ARHGAP20: variants seen among roughly 807,000 people sequenced by gnomAD.
ARHGAP20 encodes the protein rho GTPase-activating protein 20.
ARHGAP20 carries 34 observed loss-of-function variants against 73.7 expected under a neutral mutation model. The ratio of observed to expected loss-of-function variants is 0.46; its 90% CI spans 0.35 to 0.61. ARHGAP20 has a LOEUF of 0.61. Ranked by LOEUF, ARHGAP20 falls within the 20% of genes least tolerant of loss-of-function variation. The pLI, the probability that ARHGAP20 is intolerant of heterozygous loss-of-function variation, is 0.00. For missense variants in ARHGAP20, 1,314 were observed against 1,420.9 expected, an observed-to-expected ratio of 0.92 and a Z score of 1.21; for synonymous variants, 523 against 518.2, an observed-to-expected ratio of 1.01 and a Z score of -0.13.
Position 110,579,981 on chromosome 11 carries a change from A to G in ARHGAP20, c.2965T>C (p.Ser989Pro), listed in dbSNP as rs752905344. 6.2e-7 allele frequency: 1 copy of G among 1,614,170 alleles called. No individual in the cohort carries two copies. The highest frequency in any genetic ancestry group is 1.1e-5 in the South Asian group (1 of 91,072). Residue 989 changes from serine (S) to proline (P), a missense_variant, in exon 15 of 15, where the codon TCT becomes CCT. Ser to Pro is a moderately conservative substitution (Grantham distance 74). Coordinates refer to ENST00000683387, the MANE Select transcript of ARHGAP20 (RefSeq NM_001384657.1). ...FQAQRKREDLSPDFSNASHVS... is the reference protein window; with the variant it reads ...FQAQRKREDLPPDFSNASHVS... ...TGGCTGGCATTGCTAAAGTCAGGAG[A>G]AAGGTCTTCCCGTTTTCTCTGAGCC... is the stretch of plus-strand genomic sequence containing the variant.
rs759579751 is a variant in ARHGAP20 at position 110,580,089 on chromosome 11, G to C, written c.2857C>G (p.Gln953Glu). 6.2e-6 allele frequency: 10 copies of C among 1,614,054 alleles called. No individual in the cohort carries two copies. The Admixed American group carries it at 1.7e-4, about 27-fold the overall frequency. ...TSPSGSSVSS[Q>E]DSAFSQISEH... ...GAAATCTGAGAAAAAGCACTGTCTT[G>C]GGAGCTTACTGATGAGCCGGATGGG... is the stretch of plus-strand genomic sequence containing the variant. The change falls in exon 15 of 15, where the codon CAA (glutamine) becomes GAA (glutamate). Residue 953 changes from glutamine (Q) to glutamate (E), a missense_variant. By Grantham distance (29) the Gln-to-Glu change is conservative. This residue lies in a region of ARHGAP20 where 641 missense variants were observed against 636.9 expected (regional missense o/e 1.01). Transcript: ENST00000683387.
chr11:110,630,920 C>T, intron 2 of ARHGAP20, 128 bp from the exon 3 acceptor site: 1 of 843,302 alleles, frequency 1.2e-6, no homozygotes, highest in Non-Finnish European at 1.8e-6. Context: ...CTATTCACCA[C>T]ACAGTAGTCT....
intron 1 of ARHGAP20, among the ~76,000 whole-genome samples, chr11:110,692,882 G>A (rs1187235542): frequency 1.3e-5 from 2 of 151,956 alleles, no homozygotes; most frequent in Non-Finnish European, 2.9e-5. Context: ...GTGGTTTGTT[G>A]AGAAATCTAT....
intron 1 of ARHGAP20, among the ~76,000 whole-genome samples, chr11:110,701,429 G>A (rs1399870034): frequency 1.3e-5 from 2 of 151,954 alleles, no homozygotes; most frequent in African/African-American, 4.8e-5. Flanking sequence ...TTTCTGATGG[G>A]GTTGTTTTTT....
At chr11:110,674,919 T>C (rs1350604653) in intron 2 of ARHGAP20, among the ~76,000 whole-genome samples, 1 of 152,172 alleles carries the variant, frequency 6.6e-6, no homozygotes, top group Non-Finnish European at 1.5e-5. Context: ...ACATATATCA[T>C]CTCATCTTAT....
Position 110,579,816 on chromosome 11 carries a change from T to C in ARHGAP20, c.3130A>G (p.Ser1044Gly). The C allele has an allele frequency of 6.2e-7, 1 of 1,614,178 alleles. No homozygotes were observed. The highest frequency in any genetic ancestry group is 8.5e-7 in the Non-Finnish European group (1 of 1,180,028). The change falls in exon 15 of 15, where the codon AGT becomes GGT. Residue 1044 changes from serine to glycine, a missense_variant. Ser to Gly is a moderately conservative substitution (Grantham distance 56). Coordinates refer to ENST00000683387, the MANE Select transcript of ARHGAP20 (RefSeq NM_001384657.1). ...PSTWLRNGVA[S>G]LKNWSLKKKA... is the part of the protein sequence containing the mutation. ...TTTTTGAGGGACCAGTTTTTCAAAC[T>C]GGCCACACCATTTCTCAACCATGTG...
chr11:110,601,763 C>T (rs192520225), intron 9 of ARHGAP20, among the ~76,000 whole-genome samples: 68 of 152,182 alleles, frequency 4.5e-4, no homozygotes, highest in African/African-American at 1.6e-3. Context: ...GCGGGTGGAT[C>T]GCCTGAGGTC....
At chr11:110,622,415 C>T (rs183503855) in intron 4 of ARHGAP20, among the ~76,000 whole-genome samples, 1 of 152,306 alleles carries the variant, frequency 6.6e-6, no homozygotes, top group Admixed American at 6.5e-5. Context: ...ACATAGTTCT[C>T]ATGCTGTTTA....
chr11:110,606,442 C>T, intron 9 of ARHGAP20, 119 bp downstream of exon 9: 1 of 1,129,780 alleles, frequency 8.9e-7, no homozygotes, highest in African/African-American at 1.6e-5. Flanking sequence ...TCCATCTTTC[C>T]TTTTCAAAAT....
At chr11:110,643,454 G>T (rs961477286) in intron 2 of ARHGAP20, among the ~76,000 whole-genome samples, 1 of 152,030 alleles carries the variant, frequency 6.6e-6, no homozygotes, top group Non-Finnish European at 1.5e-5. Flanking sequence ...AAAGACTCTG[G>T]TATGCTGTGC....
At chr11:110,684,251 G>A (rs1348955992) in intron 2 of ARHGAP20, among the ~76,000 whole-genome samples, 2 of 152,066 alleles carry the variant, frequency 1.3e-5, no homozygotes, top group South Asian at 2.1e-4. Context: ...AGAATTCAGA[G>A]TATATATACA....
At chr11:110,631,040 C>T (rs1488131559) in intron 2 of ARHGAP20, among the ~76,000 whole-genome samples, 1 of 152,144 alleles carries the variant, frequency 6.6e-6, no homozygotes, top group Non-Finnish European at 1.5e-5. Flanking sequence ...TTTTACTATA[C>T]TTGCTTTACC....
rs1181347971 is a variant in ARHGAP20 at position 110,578,376 on chromosome 11, TTATAAG to T, written c.*988_*993del. 9 of 985,266 alleles carry T rather than the reference TTATAAG, an allele frequency of 9.1e-6. No homozygotes were observed. The African/African-American group carries it at 1.2e-4, about 13-fold the overall frequency. The allele number at this position is 985,266 out of a possible 1,614,324, so 61.0% of individuals were successfully genotyped here. On this transcript the variant is annotated 3_prime_UTR_variant, in exon 15 of 15. Transcript: ENST00000683387. The stretch of plus-strand genomic sequence containing the variant: ...CTACAAAAATCAGAAAAGGGATGAT[TTATAAG>T]TATGTTTTTCTGGCTGACTGTAATC...
chr11:110,676,807 C>A, intron 2 of ARHGAP20, among the ~76,000 whole-genome samples: 1 of 149,842 alleles, frequency 6.7e-6, no homozygotes, highest in Non-Finnish European at 1.5e-5. Context: ...ACTTAAATCT[C>A]CTCAAATAAG....
At chr11:110,592,214 T>A (rs1430535889) in intron 9 of ARHGAP20, 59 bp from the exon 10 acceptor site, 9 of 1,482,394 alleles carry the variant, frequency 6.1e-6, no homozygotes, top group Non-Finnish European at 9.2e-7. Context: ...CTTATTTCTA[T>A]AACTTCCATT....
chr11:110,603,516 C>T (rs561836350), intron 9 of ARHGAP20, among the ~76,000 whole-genome samples: 33 of 152,154 alleles, frequency 2.2e-4, no homozygotes, highest in African/African-American at 5.1e-4. Context: ...CTTCTTGTGC[C>T]GTTAAAAGTT....
At position 110,659,056 on chromosome 11, in the gene ARHGAP20, G is replaced by A. The variant is rs201575001; in HGVS notation, c.189-28264C>T. Among the ~76,000 whole-genome samples the A allele has an allele frequency of 5.5e-4, 83 of 151,188 alleles. 2 individuals are homozygous for A. In the East Asian group the frequency reaches 0.014, roughly 26 times the overall value. On this transcript the variant is annotated intron_variant, in intron 2 of 14. Coordinates refer to ENST00000683387, the MANE Select transcript of ARHGAP20 (RefSeq NM_001384657.1). ...TGTCTTTATAGCAGCATGATTTATA[G>A]TCCTTTGGGTATATACCCAGTAATG...
chr11:110,620,801 G>A (rs1352841465), intron 4 of ARHGAP20, among the ~76,000 whole-genome samples: 2 of 152,124 alleles, frequency 1.3e-5, no homozygotes, highest in African/African-American at 4.8e-5. Context: ...GCTGGGCGCG[G>A]TGGCTCATGT....
Position 110,577,337 on chromosome 11 carries a change from T to C in ARHGAP20, c.*2033A>G, listed in dbSNP as rs938319003. 2.4e-6 allele frequency: 3 copies of C among 1,247,138 alleles called. No individual in the cohort carries two copies. Among genetic ancestry groups the C allele is most frequent in the African/African-American group, 1.5e-5 (1 of 64,664 alleles). The allele number at this position is 1,247,138 out of a possible 1,614,324, so 77.3% of individuals were successfully genotyped here. A position where few individuals can be genotyped will look rare whatever the true frequency, so the allele number is the denominator to read the frequency against. ...ACAATATAATACTTTACAGCAATATTAACAAACTATTCACATTAAGAATTA... is the reference window on the plus strand; with the variant it reads ...ACAATATAATACTTTACAGCAATATCAACAAACTATTCACATTAAGAATTA... On this transcript the variant is annotated 3_prime_UTR_variant, in exon 15 of 15. Transcript: ENST00000683387.
Sources: allele counts gnomAD v4.1 joint callset (sites outside exome capture counted in the v4.1 genomes callset), GRCh38; gene constraint gnomAD v4.1.1; regional missense constraint gnomAD v4.1.1; transcripts MANE v1.5; gene names NCBI Gene and HGNC (gene_info 2026-07-23, HGNC 2026-07-21).